The following MSRA variants were observed in gnomAD, a reference collection of about 807,000 sequenced individuals.
MSRA encodes mitochondrial peptide methionine sulfoxide reductase.
A neutral mutation model predicts 31.3 loss-of-function variants in MSRA; 54 were observed. The ratio of observed to expected loss-of-function variants is 1.73; its 90% CI spans 1.39 to 2.17. The LOEUF is 2.17. MSRA is among the 30% of genes most tolerant of loss of function. The pLI, the probability that MSRA is intolerant of heterozygous loss-of-function variation, is 0.00. For synonymous variants in MSRA, 169 were observed against 116.5 expected (o/e 1.45, Z -2.90); for missense variants, 507 against 300.9 (o/e 1.69, Z -5.07).
chr8:10,093,842 A>G (rs970789508), intron 1 of MSRA, among the ~76,000 whole-genome samples: 2 of 152,156 alleles, frequency 1.3e-5, no homozygotes, highest in African/African-American at 2.4e-5. Flanking sequence ...GGAATGTCTT[A>G]ATGTCTCCTT....
intron 1 of MSRA, among the ~76,000 whole-genome samples, chr8:10,060,223 GT>G (rs1234011371): frequency 6.6e-6 from 1 of 152,226 alleles, no homozygotes; most frequent in Admixed American, 6.5e-5. Context: ...GTGCCTATCA[GT>G]AGTGGCTAGT....
At chr8:10,151,535 A>G (rs1167518001) in intron 1 of MSRA, among the ~76,000 whole-genome samples, 2 of 152,070 alleles carry the variant, frequency 1.3e-5, no homozygotes, top group African/African-American at 4.8e-5. Context: ...CTGTAGTCCC[A>G]GCTACTCGGG....
chr8:10,121,078 G>C (rs958430155), intron 1 of MSRA, among the ~76,000 whole-genome samples: 3 of 152,190 alleles, frequency 2.0e-5, no homozygotes, highest in African/African-American at 7.2e-5. Flanking sequence ...AATGCCATTT[G>C]AAATGGGTAC....
At chr8:10,172,140 C>A (rs939023644) in intron 1 of MSRA, among the ~76,000 whole-genome samples, 7 of 152,210 alleles carry the variant, frequency 4.6e-5, no homozygotes, top group African/African-American at 1.4e-4. Flanking sequence ...CAGATGCATG[C>A]TCCCTCCATG....
chr8:10,349,438 G>T (rs1322009474), intron 5 of MSRA, among the ~76,000 whole-genome samples: 8 of 152,148 alleles, frequency 5.3e-5, no homozygotes, highest in Non-Finnish European at 1.0e-4. Context: ...ATTCTTCAGG[G>T]TTTAATGAAA....
At chr8:10,088,881 CAG>C (rs772386541) in intron 1 of MSRA, among the ~76,000 whole-genome samples, 3 of 152,088 alleles carry the variant, frequency 2.0e-5, no homozygotes, top group African/African-American at 7.2e-5. Context: ...TGTGCAGACA[CAG>C]AGAGAGAAAT....
chr8:10,300,376 G>A (rs1184391439), intron 3 of MSRA, among the ~76,000 whole-genome samples: 4 of 151,736 alleles, frequency 2.6e-5, no homozygotes, highest in South Asian at 2.1e-4. Flanking sequence ...CTGCCTCAGC[G>A]TCCCGAGTAG....
chr8:10,248,302 C>T (rs921088511), intron 3 of MSRA, among the ~76,000 whole-genome samples: 1 of 152,176 alleles, frequency 6.6e-6, no homozygotes, highest in Non-Finnish European at 1.5e-5. Flanking sequence ...GATTCCTTCT[C>T]TCATAAAGCG....
intron 1 of MSRA, among the ~76,000 whole-genome samples, chr8:10,194,193 C>G (rs550383673): frequency 6.6e-6 from 1 of 152,192 alleles, no homozygotes; most frequent in Admixed American, 6.5e-5. Flanking sequence ...CCCACAAATA[C>G]TTCATTTTTG....
chr8:10,092,787 T>C (rs116575446), intron 1 of MSRA, among the ~76,000 whole-genome samples: 142 of 152,370 alleles, frequency 9.3e-4, no homozygotes, highest in African/African-American at 3.3e-3. Flanking sequence ...ATGAAAGGTA[T>C]TGAAGTTTCC....
At chr8:10,375,204 C>G (rs1210868180) in intron 5 of MSRA, among the ~76,000 whole-genome samples, 1 of 152,206 alleles carries the variant, frequency 6.6e-6, no homozygotes, top group African/African-American at 2.4e-5. Flanking sequence ...TTATTCCTAT[C>G]TTTTTTGCAT....
intron 5 of MSRA, among the ~76,000 whole-genome samples, chr8:10,345,283 TC>T: frequency 6.6e-6 from 1 of 152,346 alleles, no homozygotes; most frequent in East Asian, 1.9e-4. Flanking sequence ...GTAATGGTCT[TC>T]CCACCTTAGC....
chr8:10,381,151 C>T (rs1325339949), intron 5 of MSRA, among the ~76,000 whole-genome samples: 1 of 152,166 alleles, frequency 6.6e-6, no homozygotes, highest in Non-Finnish European at 1.5e-5. Flanking sequence ...CCAGTGGTCT[C>T]TCCCAAACCT....
At chr8:10,180,930 A>C (rs143162504) in intron 1 of MSRA, among the ~76,000 whole-genome samples, 1 of 152,136 alleles carries the variant, frequency 6.6e-6, no homozygotes, top group African/African-American at 2.4e-5. Flanking sequence ...GTTTTAGTTG[A>C]CTTCCTGGAC....
chr8:10,420,890 C>G (rs918462947), intron 5 of MSRA, among the ~76,000 whole-genome samples: 1 of 7,128 alleles, frequency 1.4e-4, no homozygotes, highest in African/African-American at 6.5e-4. Flanking sequence ...TTTACCACAA[C>G]TTAAAAAAAA....
chr8:10,397,774 G>C (rs1807190353), intron 5 of MSRA, among the ~76,000 whole-genome samples: 2 of 152,322 alleles, frequency 1.3e-5, no homozygotes, highest in Middle Eastern at 3.4e-3. Context: ...TCAATATCTG[G>C]ATTGGAGCTT....
At chr8:10,407,828 A>G (rs1807912847) in intron 5 of MSRA, among the ~76,000 whole-genome samples, 1 of 152,166 alleles carries the variant, frequency 6.6e-6, no homozygotes. Flanking sequence ...TGCTCCTTAC[A>G]TTTTTATTGT....
At chr8:10,401,912 G>A (rs1807490638) in intron 5 of MSRA, among the ~76,000 whole-genome samples, 1 of 152,170 alleles carries the variant, frequency 6.6e-6, no homozygotes. Context: ...GAAAGGGGGA[G>A]TTATTATCTA....
At chr8:10,303,236 T>C (rs1455827257) in intron 4 of MSRA, among the ~76,000 whole-genome samples, 1 of 152,252 alleles carries the variant, frequency 6.6e-6, no homozygotes, top group Non-Finnish European at 1.5e-5. Context: ...AGAATCTCCT[T>C]AGGCTTAGGC....
Sources: gnomAD v4.1 joint callset for allele counts (sites outside exome capture counted in the v4.1 genomes callset) on GRCh38, gnomAD v4.1.1 for gene constraint, MANE v1.5 for transcripts, NCBI Gene and HGNC (gene_info 2026-07-23, HGNC 2026-07-21) for gene names.